CDH13: variants seen among roughly 807,000 people sequenced by gnomAD.
CDH13 encodes the protein cadherin-13.
Under a neutral mutation model 63.8 loss-of-function variants are expected in CDH13, and 24 were observed. The observed-to-expected ratio is 0.38, with a 90% CI of 0.27 to 0.53. CDH13 has a LOEUF of 0.53. CDH13 is among the 20% of genes least tolerant of loss of function. The probability of loss-of-function intolerance (pLI) is 0.85; values close to 1 mark genes in which losing one functional copy is unlikely to be tolerated. For missense variants in CDH13, 1,049 were observed against 903.1 expected, an observed-to-expected ratio of 1.16 and a Z score of -2.07; for synonymous variants, 503 against 355.3, an observed-to-expected ratio of 1.42 and a Z score of -4.67.
chr16:83,236,361 T>G (rs1407454396), intron 5 of CDH13, among the ~76,000 whole-genome samples: 3 of 152,260 alleles, frequency 2.0e-5, no homozygotes, highest in African/African-American at 4.8e-5. Flanking sequence ...AAAGATATTT[T>G]GAAGATTTGC....
chr16:83,015,803 G>A (rs1914736285), intron 2 of CDH13, among the ~76,000 whole-genome samples: 1 of 147,080 alleles, frequency 6.8e-6, no homozygotes, highest in Admixed American at 6.9e-5. Context: ...CCAAACACAT[G>A]GGGCTGTCTA....
intron 7 of CDH13, among the ~76,000 whole-genome samples, chr16:83,545,780 C>G (rs1483304823): frequency 6.6e-6 from 1 of 152,148 alleles, no homozygotes; most frequent in East Asian, 1.9e-4. Context: ...CAGGCTAAGT[C>G]CAACTCCTAC....
At chr16:83,432,314 G>A (rs1045548172) in intron 6 of CDH13, among the ~76,000 whole-genome samples, 3 of 152,152 alleles carry the variant, frequency 2.0e-5, no homozygotes, top group East Asian at 1.9e-4. Context: ...TTCTAGTGCT[G>A]TGCCAGGCAC....
At chr16:82,976,037 G>A (rs1416184437) in intron 2 of CDH13, among the ~76,000 whole-genome samples, 1 of 152,218 alleles carries the variant, frequency 6.6e-6, no homozygotes, top group East Asian at 1.9e-4. Flanking sequence ...GTGAAGAGAT[G>A]AAAGCCCCTG....
At chr16:83,080,773 A>G (rs1730259004) in intron 3 of CDH13, among the ~76,000 whole-genome samples, 1 of 151,584 alleles carries the variant, frequency 6.6e-6, no homozygotes, top group Non-Finnish European at 1.5e-5. Context: ...AGATTATTAC[A>G]TGAATAGTAT....
At chr16:82,682,288 C>G (rs1419930004) in intron 1 of CDH13, among the ~76,000 whole-genome samples, 1 of 152,192 alleles carries the variant, frequency 6.6e-6, no homozygotes, top group Admixed American at 6.5e-5. Flanking sequence ...TTCCATCTGT[C>G]TAGGTGTGAG....
intron 6 of CDH13, among the ~76,000 whole-genome samples, chr16:83,345,375 C>T (rs1389914112): frequency 1.3e-5 from 2 of 152,156 alleles, no homozygotes; most frequent in East Asian, 1.9e-4. Context: ...ATTACAAACT[C>T]CTCAGTTCTT....
chr16:82,648,492 G>C lies in CDH13; in HGVS notation c.45+21355G>C, dbSNP rs182187622. Among the ~76,000 whole-genome samples the C allele has an allele frequency of 1.5e-3, 228 of 152,246 alleles. 4 individuals are homozygous for C. The highest frequency in any genetic ancestry group is 0.015 in the Admixed American group (226 of 15,292). The stretch of plus-strand genomic sequence containing the variant: ...AACCATTAAAGAGGATGGTTATAAA[G>C]ATGATGATAATGGCATGGAAAAATC... On this transcript the variant is annotated intron_variant, in intron 1 of 13. Coordinates refer to ENST00000567109, the MANE Select transcript of CDH13 (RefSeq NM_001257.5).
chr16:83,505,494 A>C (rs2074374838), intron 7 of CDH13, among the ~76,000 whole-genome samples: 1 of 150,342 alleles, frequency 6.7e-6, no homozygotes, highest in African/African-American at 2.4e-5. Context: ...CCAAAGGAGC[A>C]CAGTTCTTGT....
At chr16:83,499,867 A>G (rs563347139) in intron 7 of CDH13, among the ~76,000 whole-genome samples, 1 of 152,302 alleles carries the variant, frequency 6.6e-6, no homozygotes, top group African/African-American at 2.4e-5. Context: ...CAATGGCACG[A>G]TCTCAGCTCA....
intron 5 of CDH13, among the ~76,000 whole-genome samples, chr16:83,244,820 T>A (rs1242025216): frequency 6.6e-6 from 1 of 152,202 alleles, no homozygotes; most frequent in African/African-American, 2.4e-5. Context: ...AAATGCTGTC[T>A]AATGAGGGAA....
intron 13 of CDH13, among the ~76,000 whole-genome samples, chr16:83,786,560 CTTTT>C (rs962684459): frequency 6.7e-6 from 1 of 149,258 alleles, no homozygotes. Context: ...CTTTGTCTTT[CTTTT>C]CTTTTTTTCC....
At chr16:83,548,174 G>T (rs74910086) in intron 7 of CDH13, among the ~76,000 whole-genome samples, 1,741 of 152,176 alleles carry the variant, frequency 0.011, 41 homozygotes, top group African/African-American at 0.04. Flanking sequence ...GGGGTGCCAG[G>T]GTGGGGAGAG....
chr16:83,636,810 C>G (rs7185239), intron 8 of CDH13, among the ~76,000 whole-genome samples: 84,368 of 151,978 alleles, frequency 0.56, 23,491 homozygotes, highest in African/African-American at 0.59. Flanking sequence ...GGTGCTTCAA[C>G]TCTTAGGTCT....
intron 2 of CDH13, among the ~76,000 whole-genome samples, chr16:83,025,301 A>G (rs1472215415): frequency 6.6e-6 from 1 of 152,200 alleles, no homozygotes; most frequent in Non-Finnish European, 1.5e-5. Context: ...TTCTCATGCT[A>G]CTAATAAAGA....
intron 4 of CDH13, among the ~76,000 whole-genome samples, chr16:83,206,627 A>G (rs2039190200): frequency 6.6e-6 from 1 of 152,256 alleles, no homozygotes; most frequent in Non-Finnish European, 1.5e-5. Flanking sequence ...GTGGGATACC[A>G]GCGAATACAA....
chr16:82,728,526 C>A (rs941120471), intron 1 of CDH13, among the ~76,000 whole-genome samples: 2 of 152,082 alleles, frequency 1.3e-5, no homozygotes, highest in African/African-American at 4.8e-5. Flanking sequence ...AGTATTATGT[C>A]TAAAACGTGT....
chr16:82,828,660 G>T (rs1880202634), intron 1 of CDH13, among the ~76,000 whole-genome samples: 1 of 136,802 alleles, frequency 7.3e-6, no homozygotes, highest in South Asian at 2.3e-4. Flanking sequence ...GTGTGTGTGT[G>T]TGTGTATATA....
At chr16:83,252,670 G>C (rs1905721899) in intron 5 of CDH13, among the ~76,000 whole-genome samples, 1 of 152,130 alleles carries the variant, frequency 6.6e-6, no homozygotes, top group Non-Finnish European at 1.5e-5. Context: ...TGGGGCGAAG[G>C]TGATTACCTT....
Sources: allele counts gnomAD v4.1 joint callset (sites outside exome capture counted in the v4.1 genomes callset), GRCh38; gene constraint gnomAD v4.1.1; transcripts MANE v1.5; gene names NCBI Gene and HGNC (gene_info 2026-07-23, HGNC 2026-07-21).